The following CDK14 variants were observed in gnomAD, a reference collection of about 807,000 sequenced individuals.
CDK14 encodes the protein cyclin dependent kinase 14.
Under a neutral mutation model 60.7 loss-of-function variants are expected in CDK14, and 34 were observed. That is an observed-to-expected ratio of 0.56 (90% CI 0.43 to 0.75). The LOEUF is 0.75. Ranked by LOEUF, CDK14 falls within the 30% of genes least tolerant of loss-of-function variation. The pLI, the probability that CDK14 is intolerant of heterozygous loss-of-function variation, is 0.00. For synonymous variants in CDK14, 197 were observed against 203.7 expected, an observed-to-expected ratio of 0.97 and a Z score of 0.28; for missense variants, 482 against 564.1, an observed-to-expected ratio of 0.85 and a Z score of 1.47.
In CDK14 at chr7:91,188,193, A is replaced by ATTT. The variant is rs1562987965; in HGVS notation, c.*29-18972_*29-18971insTTT. ...TTACTGTGTGATTCATTTTTTTTTA[A>ATTT]AAAAAAAGAACTTTGATTTCTTGTG... On this transcript the variant is annotated intron_variant, in intron 14 of 14. Coordinates refer to ENST00000380050, the MANE Select transcript of CDK14 (RefSeq NM_001287135.2). Among the ~76,000 whole-genome samples, 1,466 of 151,030 alleles carry ATTT rather than the reference A, an allele frequency of 9.7e-3. 31 individuals carry two copies. Among genetic ancestry groups the ATTT allele is most frequent in the African/African-American group, 0.033 (1,342 of 41,126 alleles).
At chr7:90,681,265 G>T (rs898865013) in intron 2 of CDK14, among the ~76,000 whole-genome samples, 4 of 152,136 alleles carry the variant, frequency 2.6e-5, no homozygotes, top group Non-Finnish European at 5.9e-5. Context: ...TCTTAACTGA[G>T]GTTGCCTGTA....
chr7:90,798,101 G>C (rs1001310288), intron 5 of CDK14, among the ~76,000 whole-genome samples: 3 of 151,838 alleles, frequency 2.0e-5, no homozygotes, highest in Non-Finnish European at 2.9e-5. Flanking sequence ...TAGAAAAATA[G>C]TTGGGGCCTT....
intron 14 of CDK14, among the ~76,000 whole-genome samples, chr7:91,159,321 T>C (rs1464992773): frequency 6.6e-6 from 1 of 152,234 alleles, no homozygotes; most frequent in Non-Finnish European, 1.5e-5. Flanking sequence ...GATTGGCCTG[T>C]TAACTAAGAG....
At chr7:91,112,758 G>A (rs775203831) in intron 13 of CDK14, 77 bp downstream of exon 13, 28 of 1,447,802 alleles carry the variant, frequency 1.9e-5, no homozygotes, top group Non-Finnish European at 2.7e-5. Flanking sequence ...TAACGTGTAT[G>A]CAGAGATTCA....
At position 90,721,264 on chromosome 7, in the gene CDK14, T is replaced by C. The variant is rs182964753; in HGVS notation, c.124-5303T>C. On this transcript the variant is annotated intron_variant, in intron 2 of 14. Coordinates refer to ENST00000380050, the MANE Select transcript of CDK14 (RefSeq NM_001287135.2). ...TGATACAGTTCCTTGGTACTTTTTTTCTAGCACTTCTTGGCTTACTCACAG... is the reference window on the plus strand; with the variant it reads ...TGATACAGTTCCTTGGTACTTTTTTCCTAGCACTTCTTGGCTTACTCACAG... 1.4e-3 allele frequency among the ~76,000 whole-genome samples: 217 copies of C among 152,242 alleles called. 3 individuals are homozygous for C. Among genetic ancestry groups the C allele is most frequent in the South Asian group, 4.8e-3 (23 of 4,826 alleles).
At chr7:91,194,991 C>G (rs933003377) in intron 14 of CDK14, among the ~76,000 whole-genome samples, 2 of 152,230 alleles carry the variant, frequency 1.3e-5, no homozygotes, top group Admixed American at 1.3e-4. Context: ...TTCTCCAGCT[C>G]TGTTGCCAAT....
intron 2 of CDK14, among the ~76,000 whole-genome samples, chr7:90,704,295 A>T (rs1801849183): frequency 3.9e-5 from 6 of 152,210 alleles, no homozygotes; most frequent in Admixed American, 3.9e-4. Flanking sequence ...ACTTAGATGA[A>T]GTTCATAACA....
intron 9 of CDK14, among the ~76,000 whole-genome samples, chr7:90,975,681 C>T (rs1273175577): frequency 6.6e-6 from 1 of 152,054 alleles, no homozygotes; most frequent in Non-Finnish European, 1.5e-5. Flanking sequence ...AAATCTCCCC[C>T]TATACTTTCC....
chr7:90,800,235 G>T (rs1454707069), intron 5 of CDK14, among the ~76,000 whole-genome samples: 1 of 151,874 alleles, frequency 6.6e-6, no homozygotes, highest in African/African-American at 2.4e-5. Context: ...ACAAAATGTG[G>T]TACCAGGAAG....
intron 8 of CDK14, among the ~76,000 whole-genome samples, chr7:90,933,213 G>A (rs759474530): frequency 6.6e-5 from 10 of 150,756 alleles, no homozygotes; most frequent in Non-Finnish European, 1.2e-4. Flanking sequence ...CCAGGAGGTC[G>A]AGACTGCAGT....
intron 9 of CDK14, among the ~76,000 whole-genome samples, chr7:90,968,090 CA>C (rs1348208652): frequency 1.3e-5 from 2 of 152,162 alleles, no homozygotes; most frequent in Non-Finnish European, 2.9e-5. Flanking sequence ...AATTAACAAT[CA>C]CAGTTTCATT....
chr7:90,785,114 T>A (rs1805521798), intron 4 of CDK14, among the ~76,000 whole-genome samples: 1 of 151,226 alleles, frequency 6.6e-6, no homozygotes, highest in South Asian at 2.1e-4. Flanking sequence ...CCTTCGCAGT[T>A]TCTCTTGAGA....
chr7:91,064,643 G>A (rs1251926258), intron 11 of CDK14, among the ~76,000 whole-genome samples: 1 of 152,114 alleles, frequency 6.6e-6, no homozygotes, highest in East Asian at 1.9e-4. Context: ...ACAGCCTCAG[G>A]CAACTCAACC....
At chr7:90,847,640 G>C (rs1433837807) in intron 5 of CDK14, among the ~76,000 whole-genome samples, 1 of 152,040 alleles carries the variant, frequency 6.6e-6, no homozygotes, top group Non-Finnish European at 1.5e-5. Flanking sequence ...TTGGTAGTTA[G>C]AGAACTATAT....
chr7:90,638,844 T>C (rs1309481794), intron 2 of CDK14, among the ~76,000 whole-genome samples: 1 of 151,554 alleles, frequency 6.6e-6, no homozygotes, highest in Non-Finnish European at 1.5e-5. Flanking sequence ...TTATTCTTTT[T>C]TCTCTAAACT....
chr7:90,874,090 C>T (rs956976467), intron 6 of CDK14, among the ~76,000 whole-genome samples: 2 of 152,140 alleles, frequency 1.3e-5, no homozygotes, highest in Admixed American at 1.3e-4. Context: ...GAGCATCTGC[C>T]TGGTGTATCT....
At chr7:90,683,749 C>T (rs1365297878) in intron 2 of CDK14, among the ~76,000 whole-genome samples, 4 of 152,104 alleles carry the variant, frequency 2.6e-5, no homozygotes, top group South Asian at 2.1e-4. Flanking sequence ...TGCAGTGAGT[C>T]GAGATTGTGA....
chr7:91,021,349 C>A (rs1219566968), intron 10 of CDK14, among the ~76,000 whole-genome samples: 1 of 152,134 alleles, frequency 6.6e-6, no homozygotes, highest in East Asian at 1.9e-4. Context: ...TAATATCTAC[C>A]TGATAGGATG....
chr7:90,869,209 C>G (rs1272529544), intron 6 of CDK14, among the ~76,000 whole-genome samples: 2 of 152,172 alleles, frequency 1.3e-5, no homozygotes, highest in Non-Finnish European at 2.9e-5. Context: ...TTCTGCTTTC[C>G]TCTGAGATAG....
Sources: allele counts gnomAD v4.1 joint callset (sites outside exome capture counted in the v4.1 genomes callset), GRCh38; gene constraint gnomAD v4.1.1; transcripts MANE v1.5; gene names NCBI Gene and HGNC (gene_info 2026-07-23, HGNC 2026-07-21).